CCDC125: variants seen among roughly 807,000 people sequenced by gnomAD.
The protein encoded by CCDC125 is coiled-coil domain-containing protein 125.
Under a neutral mutation model 57.4 loss-of-function variants are expected in CCDC125, and 43 were observed. The ratio of observed to expected loss-of-function variants is 0.75; its 90% CI spans 0.59 to 0.97. The LOEUF (loss-of-function observed/expected upper bound fraction) is 0.97. CCDC125 is among the 50% of genes least tolerant of loss of function. The probability of loss-of-function intolerance (pLI) is 0.00; values close to 1 mark genes in which losing one functional copy is unlikely to be tolerated. For synonymous variants in CCDC125, 187 were observed against 195.2 expected (o/e 0.96, Z 0.35); for missense variants, 563 against 595.7 (o/e 0.95, Z 0.57).
chr5:69,286,225 T>TATATAAATATAA (rs1554071414), intron 10 of CCDC125, among the ~76,000 whole-genome samples: 4 of 111,466 alleles, frequency 3.6e-5, no homozygotes, highest in African/African-American at 1.4e-4. Context: ...TATATATATA[T>TATATAAATATAA]ATATATATAA....
At chr5:69,295,486 C>A (rs962413155) in intron 8 of CCDC125, among the ~76,000 whole-genome samples, 2 of 152,198 alleles carry the variant, frequency 1.3e-5, no homozygotes, top group East Asian at 3.8e-4. Flanking sequence ...CCTGGAGACT[C>A]AGTCAGGTAG....
At chr5:69,297,519 C>T (rs562517606) in intron 8 of CCDC125, among the ~76,000 whole-genome samples, 1 of 151,552 alleles carries the variant, frequency 6.6e-6, no homozygotes, top group African/African-American at 2.4e-5. Flanking sequence ...ACCACCACGC[C>T]CAGCTAATTT....
chr5:69,299,989 A>C (rs757320540), intron 8 of CCDC125, 23 bp downstream of exon 8: 1 of 1,531,918 alleles, frequency 6.5e-7, no homozygotes, highest in South Asian at 1.1e-5. Context: ...CCTTCTGTTC[A>C]GCTTTCCTGC....
At chr5:69,324,796 T>C (rs1367805769) in intron 1 of CCDC125, among the ~76,000 whole-genome samples, 3 of 152,180 alleles carry the variant, frequency 2.0e-5, no homozygotes, top group African/African-American at 7.2e-5. Context: ...GAGAATCACT[T>C]GAGGCCAGGA....
At chr5:69,298,629 CT>C (rs1714194265) in intron 8 of CCDC125, among the ~76,000 whole-genome samples, 1 of 152,184 alleles carries the variant, frequency 6.6e-6, no homozygotes, top group African/African-American at 2.4e-5. Flanking sequence ...GCCAGGACCC[CT>C]GACTCCCGGT....
At chr5:69,328,875 G>C (rs1761054387) in intron 1 of CCDC125, among the ~76,000 whole-genome samples, 1 of 150,836 alleles carries the variant, frequency 6.6e-6, no homozygotes, top group South Asian at 2.1e-4. Flanking sequence ...CTCACTGCCA[G>C]CTCCGCCTCC....
downstream of CCDC125, among the ~76,000 whole-genome samples, chr5:69,278,566 ACT>A (rs1353252900): frequency 1.3e-5 from 2 of 151,382 alleles, no homozygotes; most frequent in African/African-American, 2.4e-5. Flanking sequence ...GAGGGAAATG[ACT>A]CTATGAAATT....
At chr5:69,285,606 C>A (rs2150300020) in intron 10 of CCDC125, 139 bp from the exon 11 acceptor site, 1 of 822,592 alleles carries the variant, frequency 1.2e-6, no homozygotes, top group South Asian at 2.2e-5. Flanking sequence ...GCACAGCCTT[C>A]AGAGCCAGGA....
intron 2 of CCDC125, among the ~76,000 whole-genome samples, chr5:69,318,635 C>T (rs1040349583): frequency 1.3e-4 from 19 of 151,138 alleles, no homozygotes; most frequent in African/African-American, 4.6e-4. Flanking sequence ...CACCTGTAAT[C>T]CCAGCTACTC....
chr5:69,298,119 G>A (rs574489262), intron 8 of CCDC125, among the ~76,000 whole-genome samples: 5 of 151,552 alleles, frequency 3.3e-5, no homozygotes, highest in African/African-American at 9.7e-5. Context: ...GGGTTCAAGC[G>A]ATTCTCCTGC....
At chr5:69,322,470 T>C (rs890527203) in intron 1 of CCDC125, among the ~76,000 whole-genome samples, 2 of 151,886 alleles carry the variant, frequency 1.3e-5, no homozygotes, top group African/African-American at 4.8e-5. Context: ...ACACTTGTAA[T>C]ACCAAGGCTT....
intron 2 of CCDC125, among the ~76,000 whole-genome samples, chr5:69,319,214 C>T (rs1163201029): frequency 6.6e-6 from 1 of 152,084 alleles, no homozygotes; most frequent in Admixed American, 6.6e-5. Context: ...AGGCATGAGC[C>T]ACTGTACCCG....
chr5:69,324,224 C>T (rs1382939168), intron 1 of CCDC125, among the ~76,000 whole-genome samples: 1 of 152,092 alleles, frequency 6.6e-6, no homozygotes, highest in Non-Finnish European at 1.5e-5. Context: ...AAGATTTGAA[C>T]AGATATGTCA....
At chr5:69,328,234 A>G (rs1310257375) in intron 1 of CCDC125, among the ~76,000 whole-genome samples, 1 of 152,144 alleles carries the variant, frequency 6.6e-6, no homozygotes, top group African/African-American at 2.4e-5. Context: ...ATGAGTCTGT[A>G]TTTATGCCTG....
chr5:69,296,435 C>A lies in CCDC125; in HGVS notation c.817-1535G>T, dbSNP rs575189126. ...GGTGTGGTGGCTCATGCCTGTAATC[C>A]CAGCTACTTGGGAGGCTGAGGTAGG... On this transcript the variant is annotated intron_variant, in intron 8 of 11. Coordinates refer to ENST00000396496, the MANE Select transcript of CCDC125 (RefSeq NM_176816.5). Among the ~76,000 whole-genome samples the A allele has an allele frequency of 1.9e-4, 29 of 151,958 alleles. No individual in the cohort carries two copies. In the East Asian group the frequency reaches 5.5e-3, roughly 29 times the overall value.
chr5:69,286,188 C>CTATATATA lies in CCDC125; in HGVS notation c.1100-729_1100-722dup, dbSNP rs59035946. Among the ~76,000 whole-genome samples, 159 of 51,326 alleles carry CTATATATA rather than the reference C, an allele frequency of 3.1e-3. 1 individual carries two copies. The highest frequency in any genetic ancestry group is 4.1e-3 in the Non-Finnish European group (120 of 29,220). 33.7% of individuals were successfully genotyped at this position (51,326 alleles called of 152,430 possible). On this transcript the variant is annotated intron_variant, in intron 10 of 11. Transcript: ENST00000396496. ...ACTTAAAAACAGTTCAAATGGTAAACTATATATATATATATATATATATAT... is the reference window on the plus strand; with the variant it reads ...ACTTAAAAACAGTTCAAATGGTAAACTATATATATATATATATATATATATATATATAT...
chr5:69,313,466 G>A, intron 3 of CCDC125: 2 of 1,210,986 alleles, frequency 1.7e-6, no homozygotes, highest in East Asian at 4.7e-5. Flanking sequence ...TAGTTTGCTT[G>A]TAATTCTTGC....
chr5:69,282,170 G>A lies in CCDC125; in HGVS notation c.*559C>T, dbSNP rs1275615987. 1.3e-5 allele frequency: 2 copies of A among 151,896 alleles called. No individual in the cohort carries two copies. Among genetic ancestry groups the A allele is most frequent in the African/African-American group, 2.4e-5 (1 of 41,366 alleles). 9.4% of individuals were successfully genotyped at this position (151,896 alleles called of 1,614,324 possible). On this transcript the variant is annotated 3_prime_UTR_variant, in exon 12 of 12. Coordinates refer to ENST00000396496, the MANE Select transcript of CCDC125 (RefSeq NM_176816.5). The stretch of plus-strand genomic sequence containing the variant: ...CCTCCCAAAGTGCTGGGATTTATAA[G>A]CATGAGCCACCATGCCCAGCCTGTA...
At chr5:69,299,746 A>C (rs1756059182) in intron 8 of CCDC125, among the ~76,000 whole-genome samples, 1 of 152,214 alleles carries the variant, frequency 6.6e-6, no homozygotes, top group Admixed American at 6.6e-5. Context: ...GACATTACCC[A>C]ACACAGCTTC....
Sources: gnomAD v4.1 joint callset for allele counts (sites outside exome capture counted in the v4.1 genomes callset) on GRCh38, gnomAD v4.1.1 for gene constraint, MANE v1.5 for transcripts, NCBI Gene and HGNC (gene_info 2026-07-23, HGNC 2026-07-21) for gene names.